NINJ2: variants seen among roughly 807,000 people sequenced by gnomAD.
NINJ2 encodes the protein ninjurin-2.
In NINJ2, 12 loss-of-function variants were observed where a neutral mutation model predicts 11.7. The ratio of observed to expected loss-of-function variants is 1.02; its 90% CI spans 0.66 to 1.66. The LOEUF (loss-of-function observed/expected upper bound fraction) is 1.66, where lower values mean the gene tolerates loss of function less well. NINJ2 is among the 40% of genes most tolerant of loss of function. NINJ2 has a pLI of 0.00. For synonymous variants in NINJ2, 93 were observed against 76.8 expected (o/e 1.21, Z -1.10); for missense variants, 187 against 181.8 (o/e 1.03, Z -0.16).
rs777239688 is a variant in NINJ2, at chr12:565,980, C to T, written c.232G>A (p.Val78Met). Residue 78 changes from valine (V) to methionine (M), a missense_variant, in exon 2 of 4, where the codon GTG becomes ATG. By Grantham distance (21) the Val-to-Met change is conservative. Transcript: ENST00000305108. Reference protein sequence around the residue: ...TLISLSLLLQVVIGVLLVVIA... With the variant: ...TLISLSLLLQMVIGVLLVVIA... ...ACCACGAGCAGGACACCGATGACCA[C>T]CTGCAGGAGCAGAGAGAGGCTGATG... is the stretch of plus-strand genomic sequence containing the variant. 9.9e-6 allele frequency: 16 copies of T among 1,614,222 alleles called. No homozygotes were observed. Among genetic ancestry groups the T allele is most frequent in the Non-Finnish European group, 1.4e-5 (16 of 1,180,040 alleles).
At chr12:565,780 C>A (rs903589308) in intron 2 of NINJ2, 170 bp downstream of exon 2, 6 of 699,652 alleles carry the variant, frequency 8.6e-6, no homozygotes, top group Non-Finnish European at 1.5e-5. Context: ...CCTGCCCTCG[C>A]GGGGTGGAAG....
rs182258362 is a variant in NINJ2, at chr12:651,868, C to T, written c.33+11460G>A. Among the ~76,000 whole-genome samples, 60 of 152,210 alleles carry T rather than the reference C, an allele frequency of 3.9e-4. No homozygotes were observed. The East Asian group carries it at 6.4e-3, about 16-fold the overall frequency. On this transcript the variant is annotated intron_variant, in intron 1 of 3. Transcript: ENST00000305108. Reference sequence around the variant, plus strand: ...GCTAAGGAAAGAATCTCTGAGCTTACGCATATCTCATAGAAGGCCCCTACA... The same window carrying T: ...GCTAAGGAAAGAATCTCTGAGCTTATGCATATCTCATAGAAGGCCCCTACA...
intron 1 of NINJ2, among the ~76,000 whole-genome samples, chr12:658,671 C>A: frequency 7.6e-6 from 1 of 131,502 alleles, no homozygotes; most frequent in Non-Finnish European, 1.6e-5. Flanking sequence ...CTATGCTATG[C>A]TATGCTATGC....
At position 601,548 on chromosome 12, in the gene NINJ2, CAAAA is replaced by C. The variant is rs1170244744; in HGVS notation, c.34-35374_34-35371del. ...GGGCCACAGAAGCAAGACTCCGTCT[CAAAA>C]AAAAAAAAAAATAAATAAATAAAAC... On this transcript the variant is annotated intron_variant, in intron 1 of 3. Transcript: ENST00000305108. Among the ~76,000 whole-genome samples, 2 of 140,128 alleles carry C rather than the reference CAAAA, an allele frequency of 1.4e-5. 1 individual carries two copies. Among genetic ancestry groups the C allele is most frequent in the Admixed American group, 1.5e-4 (2 of 13,700 alleles). 91.9% of individuals were successfully genotyped at this position (140,128 alleles called of 152,430 possible). A position where few individuals can be genotyped will look rare whatever the true frequency, so the allele number is the denominator to read the frequency against.
intron 1 of NINJ2, among the ~76,000 whole-genome samples, chr12:583,568 G>C (rs1947589255): frequency 6.6e-6 from 1 of 152,228 alleles, no homozygotes; most frequent in South Asian, 2.1e-4. Context: ...CAGAGGTGGG[G>C]ACTCCTGAGC....
chr12:582,253 G>A (rs61919373), intron 1 of NINJ2, among the ~76,000 whole-genome samples: 36,787 of 144,450 alleles, frequency 0.25, 5,128 homozygotes, highest in South Asian at 0.36. Context: ...ATGAATGGAC[G>A]CAGGCAGGCA....
chr12:609,078 C>A (rs1947979069), intron 1 of NINJ2, among the ~76,000 whole-genome samples: 1 of 145,596 alleles, frequency 6.9e-6, no homozygotes, highest in Non-Finnish European at 1.5e-5. Context: ...ACGCACGGCG[C>A]CACGCTAGGG....
At chr12:637,696 C>T (rs575040561) in intron 1 of NINJ2, among the ~76,000 whole-genome samples, 4 of 152,132 alleles carry the variant, frequency 2.6e-5, no homozygotes, top group African/African-American at 9.6e-5. Flanking sequence ...TTAATGTACC[C>T]CAAATGCCAT....
In NINJ2 at chr12:566,114, A is replaced by G; in HGVS notation, c.98T>C (p.Val33Ala). The change falls in exon 2 of 4, where the codon GTG (valine) becomes GCG (alanine). Residue 33 changes from valine to alanine, a missense_variant. Transcript: ENST00000305108. Reference sequence around the variant, plus strand: ...GGCCACGTCCAGCATGCTCTCCGCCACGCTCTTCTTGGTGGCGTAATGGTT... The same window carrying G: ...GGCCACGTCCAGCATGCTCTCCGCCGCGCTCTTCTTGGTGGCGTAATGGTT... Reference protein sequence around the residue: ...NLNHYATKKSVAESMLDVALF... With the variant: ...NLNHYATKKSAAESMLDVALF... 1 of 1,613,968 alleles carries G rather than the reference A, an allele frequency of 6.2e-7. No individual in the cohort carries two copies. The highest frequency in any genetic ancestry group is 8.5e-7 in the Non-Finnish European group (1 of 1,179,942).
intron 1 of NINJ2, chr12:589,550 G>A (rs902379110): frequency 6.6e-6 from 1 of 152,216 alleles, no homozygotes; most frequent in African/African-American, 2.4e-5. Flanking sequence ...GTAAAAACCA[G>A]AGAACCTGCT....
rs1228628596 is a variant in NINJ2 at position 581,168 on chromosome 12, T to C, written c.34-14990A>G. ...GTGTGTGCATGTGTCTCTGTGTGTG[T>C]GTGTGTGTCTGTGTGTGTGTCTGTC... is the stretch of plus-strand genomic sequence containing the variant. On this transcript the variant is annotated intron_variant, in intron 1 of 3. Transcript: ENST00000305108. The surrounding 1 kb of genome is among the most constrained non-coding windows in gnomAD (Gnocchi z 4.9). Among the ~76,000 whole-genome samples the C allele has an allele frequency of 1.3e-5, 2 of 151,874 alleles. No homozygotes were observed. Among genetic ancestry groups the C allele is most frequent in the Admixed American group, 1.3e-4 (2 of 15,258 alleles).
At chr12:587,083 C>G (rs541655238) in intron 1 of NINJ2, among the ~76,000 whole-genome samples, 1 of 152,348 alleles carries the variant, frequency 6.6e-6, no homozygotes, top group African/African-American at 2.4e-5. Context: ...AGCACAGTTT[C>G]TTTTCTTGCT....
intron 1 of NINJ2, among the ~76,000 whole-genome samples, chr12:650,226 A>G (rs1053446558): frequency 6.6e-6 from 1 of 151,996 alleles, no homozygotes; most frequent in Admixed American, 6.6e-5. Context: ...CTGGGATTAC[A>G]GGCGCTCACC....
At chr12:605,755 T>G (rs1160820957) in intron 1 of NINJ2, among the ~76,000 whole-genome samples, 1 of 152,226 alleles carries the variant, frequency 6.6e-6, no homozygotes, top group Non-Finnish European at 1.5e-5. Flanking sequence ...GAATGGGTTC[T>G]ATATTAATAT....
At chr12:648,487 T>C (rs1447756670) in intron 1 of NINJ2, among the ~76,000 whole-genome samples, 2 of 152,236 alleles carry the variant, frequency 1.3e-5, no homozygotes, top group Admixed American at 1.3e-4. Flanking sequence ...CTTGATTTTT[T>C]CCTCTTTAAA....
intron 1 of NINJ2, among the ~76,000 whole-genome samples, chr12:596,415 G>A (rs1322582076): frequency 6.6e-6 from 1 of 152,146 alleles, no homozygotes; most frequent in Non-Finnish European, 1.5e-5. Context: ...TGCAACAAAT[G>A]GACCCCTCTG....
chr12:643,323 T>TCGCAGCCC (rs1470000573), intron 1 of NINJ2: 1 of 590,774 alleles, frequency 1.7e-6, no homozygotes, highest in African/African-American at 2.0e-5. Flanking sequence ...CCTCGCAGCC[T>TCGCAGCCC]CGCAGCCCCG....
intron 1 of NINJ2, among the ~76,000 whole-genome samples, chr12:596,037 A>G (rs1947780652): frequency 6.6e-6 from 1 of 152,196 alleles, no homozygotes; most frequent in African/African-American, 2.4e-5. Context: ...ATGTGGAACA[A>G]CATCCTTGTT....
chr12:662,351 G>A (rs1937968852), intron 1 of NINJ2, among the ~76,000 whole-genome samples: 2 of 152,064 alleles, frequency 1.3e-5, no homozygotes, highest in African/African-American at 4.8e-5. Context: ...GGGCGGAGGG[G>A]CCAAGGACAG....
Sources: gnomAD v4.1 joint callset for allele counts (sites outside exome capture counted in the v4.1 genomes callset) on GRCh38, gnomAD v4.1.1 for gene constraint, Gnocchi (gnomAD v3.1) non-coding constraint, MANE v1.5 for transcripts, NCBI Gene and HGNC (gene_info 2026-07-23, HGNC 2026-07-21) for gene names.